The following ASTN2 variants were observed in gnomAD, a reference collection of about 807,000 sequenced individuals.
The protein encoded by ASTN2 is astrotactin-2.
A neutral mutation model predicts 139.8 loss-of-function variants in ASTN2; 54 were observed. The ratio of observed to expected loss-of-function variants is 0.39; its 90% confidence interval spans 0.31 to 0.48. The LOEUF is 0.48. Among genes scored for constraint, ASTN2 ranks in the 20% least tolerant of loss-of-function variants. The probability of loss-of-function intolerance (pLI) is 0.95; values close to 1 mark genes in which losing one functional copy is unlikely to be tolerated. For synonymous variants in ASTN2, 756 were observed against 719.5 expected (o/e 1.05, Z -0.81); for missense variants, 1,565 against 1,725.1 (o/e 0.91, Z 1.64).
chr9:117,232,951 T>C (rs189182906), intron 2 of ASTN2, among the ~76,000 whole-genome samples: 1 of 152,146 alleles, frequency 6.6e-6, no homozygotes, highest in Admixed American at 6.5e-5. Context: ...ACACTTTCAA[T>C]CTGTTGTTCC....
chr9:116,776,158 C>G (rs1830084372), intron 13 of ASTN2, among the ~76,000 whole-genome samples: 1 of 152,142 alleles, frequency 6.6e-6, no homozygotes, highest in Admixed American at 6.5e-5. Flanking sequence ...TCTCACTAAA[C>G]AGGCAATCAG....
intron 7 of ASTN2, among the ~76,000 whole-genome samples, chr9:116,986,111 T>C (rs975679149): frequency 5.3e-5 from 8 of 152,070 alleles, no homozygotes; most frequent in African/African-American, 1.9e-4. Context: ...AGTGTCGTTA[T>C]CGTGATTGCT....
At chr9:117,351,045 G>T (rs566087798) in intron 1 of ASTN2, among the ~76,000 whole-genome samples, 2 of 152,226 alleles carry the variant, frequency 1.3e-5, no homozygotes, top group African/African-American at 4.8e-5. Flanking sequence ...TGCTCTCCTT[G>T]CACCCTCAAC....
rs1847870691 is a variant in ASTN2 at position 116,442,537 on chromosome 9, C to T, written c.3514G>A (p.Val1172Met). The change falls in exon 21 of 23, where the codon GTG becomes ATG. Residue 1172 changes from valine (V) to methionine (M), a missense_variant. Physicochemically the swap from Val to Met is conservative, Grantham distance 21. Coordinates refer to ENST00000313400, the MANE Select transcript of ASTN2 (RefSeq NM_001365068.1). The stretch of plus-strand genomic sequence containing the variant: ...TCTGAGTGCCTCCCTCGTGTATCCA[C>T]AGCATACAGAGTGAACCTGCAGCAC... ...DGLYKFTLYA[V>M]DTRGRHSELS... 3 of 1,614,152 alleles carry T rather than the reference C, an allele frequency of 1.9e-6. No individual in the cohort carries two copies. The highest frequency in any genetic ancestry group is 2.2e-5 in the South Asian group (2 of 91,074).
At chr9:116,703,210 C>T (rs1007706891) in intron 16 of ASTN2, among the ~76,000 whole-genome samples, 2 of 151,520 alleles carry the variant, frequency 1.3e-5, no homozygotes, top group Non-Finnish European at 2.9e-5. Flanking sequence ...GGTTTTGATT[C>T]GCATTTCTCT....
intron 13 of ASTN2, among the ~76,000 whole-genome samples, chr9:116,764,344 T>C (rs2132173065): frequency 6.6e-6 from 1 of 152,314 alleles, no homozygotes; most frequent in South Asian, 2.1e-4. Context: ...TTAGCCCAGT[T>C]TGAGCCAATG....
chr9:117,224,329 A>G (rs1170236364), intron 2 of ASTN2, among the ~76,000 whole-genome samples: 1 of 152,238 alleles, frequency 6.6e-6, no homozygotes, highest in African/African-American at 2.4e-5. Context: ...ATTGCAGTGT[A>G]TAACACAGTT....
intron 20 of ASTN2, among the ~76,000 whole-genome samples, chr9:116,458,981 T>A (rs1162213843): frequency 6.6e-6 from 1 of 151,830 alleles, no homozygotes; most frequent in Non-Finnish European, 1.5e-5. Context: ...AAAGCTGGAG[T>A]ACTTATACAT....
rs1490842378 is a variant in ASTN2, at chr9:116,497,011, G to A, written c.3356-9511C>T. Reference sequence around the variant, plus strand: ...TGGGGACACAGCCAAACCATGTCAAGTCCTTCACCCAGGAGTGTTATTTCC... The same window carrying A: ...TGGGGACACAGCCAAACCATGTCAAATCCTTCACCCAGGAGTGTTATTTCC... On this transcript the variant is annotated intron_variant, in intron 19 of 22. Coordinates refer to ENST00000313400, the MANE Select transcript of ASTN2 (RefSeq NM_001365068.1). Among the ~76,000 whole-genome samples the A allele has an allele frequency of 4.6e-5, 7 of 152,190 alleles. No homozygotes were observed. In the South Asian group the frequency reaches 1.2e-3, roughly 27 times the overall value.
chr9:116,743,284 C>G (rs1829142413), intron 13 of ASTN2, among the ~76,000 whole-genome samples: 1 of 152,156 alleles, frequency 6.6e-6, no homozygotes, highest in South Asian at 2.1e-4. Context: ...GGCATGGTGG[C>G]TTATGCCTGT....
chr9:117,360,358 T>C (rs1829657556), intron 1 of ASTN2, among the ~76,000 whole-genome samples: 1 of 152,092 alleles, frequency 6.6e-6, no homozygotes, highest in Non-Finnish European at 1.5e-5. Context: ...TATGGGAGTA[T>C]ACAACAGCAG....
At chr9:116,752,410 G>A (rs1260999709) in intron 13 of ASTN2, among the ~76,000 whole-genome samples, 1 of 152,150 alleles carries the variant, frequency 6.6e-6, no homozygotes, top group Non-Finnish European at 1.5e-5. Flanking sequence ...AAGTCTAAAT[G>A]TAAAAACCTA....
At chr9:116,596,308 G>T in intron 19 of ASTN2, among the ~76,000 whole-genome samples, 1 of 152,160 alleles carries the variant, frequency 6.6e-6, no homozygotes, top group East Asian at 1.9e-4. Context: ...GTTTTCAATG[G>T]AGTATAAAGT....
At chr9:117,081,026 C>T (rs919866946) in intron 5 of ASTN2, among the ~76,000 whole-genome samples, 2 of 152,148 alleles carry the variant, frequency 1.3e-5, no homozygotes, top group Non-Finnish European at 2.9e-5. Flanking sequence ...AGAGTAGAGG[C>T]CACTTTTTCT....
intron 1 of ASTN2, among the ~76,000 whole-genome samples, chr9:117,301,040 A>G (rs985879414): frequency 7.2e-5 from 11 of 152,198 alleles, no homozygotes; most frequent in African/African-American, 2.7e-4. Context: ...AGGGAGGGGA[A>G]GAGAAGAATT....
chr9:116,812,492 T>C (rs1239283556), intron 12 of ASTN2, among the ~76,000 whole-genome samples: 2 of 152,090 alleles, frequency 1.3e-5, no homozygotes, highest in African/African-American at 2.4e-5. Context: ...GGCAAGGAAA[T>C]AGATCTTCCC....
At chr9:117,389,936 A>G (rs2130942994) in intron 1 of ASTN2, among the ~76,000 whole-genome samples, 1 of 152,196 alleles carries the variant, frequency 6.6e-6, no homozygotes, top group African/African-American at 2.4e-5. Context: ...TTAGGATGGA[A>G]TGGCCAGGGA....
intron 11 of ASTN2, among the ~76,000 whole-genome samples, chr9:116,863,194 G>T (rs771589509): frequency 6.6e-6 from 1 of 152,024 alleles, no homozygotes; most frequent in African/African-American, 2.4e-5. Context: ...TTTCTCTTCC[G>T]GACCACACCA....
At chr9:116,496,348 A>G (rs1473553655) in intron 19 of ASTN2, among the ~76,000 whole-genome samples, 2 of 152,214 alleles carry the variant, frequency 1.3e-5, no homozygotes, top group Non-Finnish European at 2.9e-5. Flanking sequence ...ACAAGCATAA[A>G]GAACACTTTC....
Sources: gnomAD v4.1 joint callset for allele counts (sites outside exome capture counted in the v4.1 genomes callset) on GRCh38, gnomAD v4.1.1 for gene constraint, MANE v1.5 for transcripts, NCBI Gene and HGNC (gene_info 2026-07-23, HGNC 2026-07-21) for gene names.